Variants in SRRM3 observed in about 807,000 individuals in gnomAD.
SRRM3 encodes serine/arginine repetitive matrix 3.
A neutral mutation model predicts 66.2 loss-of-function variants in SRRM3; 27 were observed. That is an observed-to-expected ratio of 0.41 (90% CI 0.30 to 0.56). The LOEUF (loss-of-function observed/expected upper bound fraction) is 0.56, where lower values mean the gene tolerates loss of function less well. Ranked by LOEUF, SRRM3 falls within the 20% of genes least tolerant of loss-of-function variation. The pLI is 0.32. For synonymous variants in SRRM3, 391 were observed against 414.9 expected (o/e 0.94, Z 0.70); for missense variants, 918 against 991.9 (o/e 0.93, Z 1.00).
At position 76,218,682 on chromosome 7, in the gene SRRM3, T is replaced by C. The variant is rs961424899; in HGVS notation, c.-39-16346T>C. Among the ~76,000 whole-genome samples the C allele has an allele frequency of 5.6e-4, 74 of 133,166 alleles. 1 individual carries two copies. In the East Asian group the frequency reaches 0.014, roughly 25 times the overall value. 87.4% of individuals were successfully genotyped at this position (133,166 alleles called of 152,430 possible). A position where few individuals can be genotyped will look rare whatever the true frequency, so the allele number is the denominator to read the frequency against. ...CTGTGTTGCTTTCTTTTCTTTTTTT[T>C]TTTTTTTTTTTTTTTTGGCAAGGTC... On this transcript the variant is annotated intron_variant, in intron 1 of 14. Transcript: ENST00000611745.
chr7:76,203,061 G>C (rs546297565), intron 1 of SRRM3, among the ~76,000 whole-genome samples: 2 of 152,304 alleles, frequency 1.3e-5, no homozygotes, highest in South Asian at 4.1e-4. Flanking sequence ...GGCTTTGACG[G>C]AGAGACGTGC....
rs1554608589 is a variant in SRRM3 at position 76,260,876 on chromosome 7, A to G, written c.548A>G (p.Lys183Arg). 1 of 1,560,704 alleles carries G rather than the reference A, an allele frequency of 6.4e-7. No homozygotes were observed. Among genetic ancestry groups the G allele is most frequent in the Non-Finnish European group, 8.7e-7 (1 of 1,151,838 alleles). The change falls in exon 6 of 15, where the codon AAA becomes AGA. Residue 183 changes from lysine to arginine, a missense_variant and splice_region_variant. Physicochemically the swap from Lys to Arg is conservative, Grantham distance 26. Transcript: ENST00000611745. ...KKKGGHRRSRKKRRLESECSC... is the reference protein window; with the variant it reads ...KKKGGHRRSRRKRRLESECSC... Reference sequence around the variant, plus strand: ...TTCTTCCTGGCATCTGCCCTCAGCAAAAAGAGGAGACTGGAGTCCGAATGC... The same window carrying G: ...TTCTTCCTGGCATCTGCCCTCAGCAGAAAGAGGAGACTGGAGTCCGAATGC...
intron 1 of SRRM3, among the ~76,000 whole-genome samples, chr7:76,233,792 G>C (rs529411361): frequency 1.4e-4 from 21 of 152,126 alleles, no homozygotes; most frequent in Non-Finnish European, 2.9e-4. Flanking sequence ...ATGCACTTGG[G>C]ACTCAGGGGG....
chr7:76,253,525 G>A (rs1563627281), intron 3 of SRRM3, among the ~76,000 whole-genome samples: 1 of 151,888 alleles, frequency 6.6e-6, no homozygotes, highest in African/African-American at 2.4e-5. Flanking sequence ...GGAAGCTGAG[G>A]CAGGAGAATG....
intron 1 of SRRM3, among the ~76,000 whole-genome samples, chr7:76,233,338 G>A (rs1554604410): frequency 6.6e-6 from 1 of 152,154 alleles, no homozygotes; most frequent in Non-Finnish European, 1.5e-5. Context: ...AAGAAGGGAT[G>A]AGGGACCCAA....
chr7:76,242,784 G>T (rs10229750), intron 2 of SRRM3, among the ~76,000 whole-genome samples: 4,893 of 152,194 alleles, frequency 0.032, 249 homozygotes, highest in African/African-American at 0.11. Flanking sequence ...TCACAACAGG[G>T]TTCCCACTCC....
intron 3 of SRRM3, among the ~76,000 whole-genome samples, chr7:76,250,614 C>T (rs890178874): frequency 6.6e-6 from 1 of 152,158 alleles, no homozygotes; most frequent in Non-Finnish European, 1.5e-5. Context: ...TGCAGACTTT[C>T]TGTATTGCTG....
chr7:76,261,732 C>G (rs553327909), intron 8 of SRRM3, among the ~76,000 whole-genome samples, 151 bp downstream of exon 8: 1 of 152,084 alleles, frequency 6.6e-6, no homozygotes, highest in South Asian at 2.1e-4. Context: ...GGGGACAGGG[C>G]AGTGGAGAAG....
chr7:76,254,453 G>A (rs1801655941), intron 3 of SRRM3, among the ~76,000 whole-genome samples: 1 of 152,072 alleles, frequency 6.6e-6, no homozygotes, highest in African/African-American at 2.4e-5. Flanking sequence ...TGAGTAGCTG[G>A]GATTACAAGC....
rs1445828911 is a variant in SRRM3, at chr7:76,211,146, G to A, written c.-40+9079G>A. ...TTTTAGATGGACTAGGGGTTATGTAGCAGCATTCCAAGGGCTACCGGGACA... is the reference window on the plus strand; with the variant it reads ...TTTTAGATGGACTAGGGGTTATGTAACAGCATTCCAAGGGCTACCGGGACA... On this transcript the variant is annotated intron_variant, in intron 1 of 14. Coordinates refer to ENST00000611745, the MANE Select transcript of SRRM3 (RefSeq NM_001110199.3). Among the ~76,000 whole-genome samples the A allele has an allele frequency of 2.0e-5, 3 of 152,332 alleles. 1 individual carries two copies. Among genetic ancestry groups the A allele is most frequent in the African/African-American group, 7.2e-5 (3 of 41,572 alleles).
At chr7:76,265,531 C>A in intron 10 of SRRM3, 63 bp downstream of exon 10, 1 of 1,355,202 alleles carries the variant, frequency 7.4e-7, no homozygotes, top group Non-Finnish European at 1.0e-6. Flanking sequence ...ATTAAACACC[C>A]CCAAGGGCTG....
intron 1 of SRRM3, among the ~76,000 whole-genome samples, chr7:76,224,281 T>G (rs1402346201): frequency 6.7e-6 from 1 of 150,222 alleles, no homozygotes; most frequent in Admixed American, 6.7e-5. Flanking sequence ...GGTTTCACCA[T>G]GTTGCCCAGG....
chr7:76,257,744 G>A (rs1321762765), intron 3 of SRRM3, among the ~76,000 whole-genome samples: 3 of 151,932 alleles, frequency 2.0e-5, no homozygotes, highest in Non-Finnish European at 4.4e-5. Flanking sequence ...CTGCACTCCA[G>A]CCTCGCGACA....
chr7:76,263,875 GA>G lies in SRRM3; in HGVS notation c.675-889del, dbSNP rs1430192992. Among the ~76,000 whole-genome samples the G allele has an allele frequency of 2.6e-3, 70 of 26,756 alleles. 2 individuals are homozygous for G. The East Asian group carries it at 0.05, about 19-fold the overall frequency. 17.6% of individuals were successfully genotyped at this position (26,756 alleles called of 152,430 possible). On this transcript the variant is annotated intron_variant, in intron 8 of 14. Transcript: ENST00000611745. ...GCAACAGAGCGGGACTCTGTCTCAA[GA>G]CAAAAAAAAAAAAAAAAAAAAAAAA... is the stretch of plus-strand genomic sequence containing the variant.
chr7:76,218,674 C>CTTTTTT lies in SRRM3; in HGVS notation c.-39-16335_-39-16330dup, dbSNP rs11349335. Reference sequence around the variant, plus strand: ...GAACTCGTCTGTGTTGCTTTCTTTTCTTTTTTTTTTTTTTTTTTTTTTTTG... The same window carrying CTTTTTT: ...GAACTCGTCTGTGTTGCTTTCTTTTCTTTTTTTTTTTTTTTTTTTTTTTTTTTTTTG... On this transcript the variant is annotated intron_variant, in intron 1 of 14. Transcript: ENST00000611745. Among the ~76,000 whole-genome samples, 554 of 76,364 alleles carry CTTTTTT rather than the reference C, an allele frequency of 7.3e-3. 2 individuals are homozygous for CTTTTTT. The highest frequency in any genetic ancestry group is 0.019 in the Middle Eastern group (1 of 54). 50.1% of individuals were successfully genotyped at this position (76,364 alleles called of 152,430 possible).
chr7:76,257,230 C>T (rs1412231578), intron 3 of SRRM3, among the ~76,000 whole-genome samples: 2 of 151,954 alleles, frequency 1.3e-5, no homozygotes, highest in Non-Finnish European at 2.9e-5. Flanking sequence ...AATGCTCTGC[C>T]GATCCAAGCC....
At chr7:76,259,839 T>G (rs1354927056) in intron 3 of SRRM3, 67 bp from the exon 4 acceptor site, 1 of 1,589,802 alleles carries the variant, frequency 6.3e-7, no homozygotes, top group East Asian at 2.3e-5. Flanking sequence ...TCAGGCCCCC[T>G]GCGCCGAGAA....
At chr7:76,246,806 C>T (rs1554606220) in intron 2 of SRRM3, among the ~76,000 whole-genome samples, 1 of 152,206 alleles carries the variant, frequency 6.6e-6, no homozygotes, top group Admixed American at 6.5e-5. Flanking sequence ...ACCCTCTTAG[C>T]TGAGCCATGG....
chr7:76,221,490 C>T (rs931179728), intron 1 of SRRM3, among the ~76,000 whole-genome samples: 1 of 151,422 alleles, frequency 6.6e-6, no homozygotes, highest in South Asian at 2.1e-4. Context: ...AGCCTCCCTA[C>T]TAGCTGGGAC....
Sources: gnomAD v4.1 joint callset for allele counts (sites outside exome capture counted in the v4.1 genomes callset) on GRCh38, gnomAD v4.1.1 for gene constraint, MANE v1.5 for transcripts, NCBI Gene and HGNC (gene_info 2026-07-23, HGNC 2026-07-21) for gene names.